Variants in SOX6 observed in about 807,000 individuals in gnomAD.
The protein encoded by SOX6 is SRY-box transcription factor 6.
In SOX6, 11 loss-of-function variants were observed where a neutral mutation model predicts 97.8. That is an observed-to-expected ratio of 0.11 (90% confidence interval 0.07 to 0.19). The LOEUF is 0.19. SOX6 is among the 10% of genes least tolerant of loss of function. The pLI is 1.00. For synonymous variants in SOX6, 360 were observed against 371.4 expected (o/e 0.97, Z 0.35); for missense variants, 810 against 1,039.5 (o/e 0.78, Z 3.04).
chr11:16,256,705 T>C (rs1853700995), intron 3 of SOX6, among the ~76,000 whole-genome samples: 1 of 151,790 alleles, frequency 6.6e-6, no homozygotes, highest in South Asian at 2.1e-4. Flanking sequence ...TCCTAGCTAA[T>C]GCAGTTTAAA....
chr11:16,153,713 C>T (rs1230346260), intron 6 of SOX6, among the ~76,000 whole-genome samples: 1 of 152,128 alleles, frequency 6.6e-6, no homozygotes, highest in African/African-American at 2.4e-5. Context: ...CTTCCAGTTG[C>T]CACTTCTGCC....
intron 4 of SOX6, chr11:16,484,547 T>A: frequency 1.3e-6 from 1 of 772,256 alleles, no homozygotes; most frequent in Non-Finnish European, 2.4e-6. Flanking sequence ...ACAGTCGAGA[T>A]GGCAGTACCT....
chr11:16,039,531 A>G (rs1316976945), intron 12 of SOX6, among the ~76,000 whole-genome samples: 1 of 152,044 alleles, frequency 6.6e-6, no homozygotes, highest in African/African-American at 2.4e-5. Context: ...ACATTGTTTG[A>G]CTTATTCATT....
At chr11:16,207,038 C>T (rs1485395117) in intron 4 of SOX6, among the ~76,000 whole-genome samples, 1 of 152,058 alleles carries the variant, frequency 6.6e-6, no homozygotes, top group Non-Finnish European at 1.5e-5. Context: ...CACACCGACC[C>T]CTACTACAAA....
intron 3 of SOX6, among the ~76,000 whole-genome samples, chr11:16,251,674 T>C (rs560095442): frequency 1.5e-4 from 23 of 152,168 alleles, no homozygotes; most frequent in Admixed American, 3.3e-4. Context: ...GAGGAAATAA[T>C]ACCAATGTAG....
intron 4 of SOX6, among the ~76,000 whole-genome samples, chr11:16,193,092 G>A (rs2134115728): frequency 1.3e-5 from 2 of 152,254 alleles, no homozygotes; most frequent in Admixed American, 1.3e-4. Context: ...TTTCTAATGA[G>A]AAAATCTAGA....
At chr11:16,310,573 T>C (rs1177033842) in intron 3 of SOX6, among the ~76,000 whole-genome samples, 1 of 152,054 alleles carries the variant, frequency 6.6e-6, no homozygotes, top group Non-Finnish European at 1.5e-5. Context: ...AAAAAATGAA[T>C]TTAAATGAAG....
At chr11:16,662,444 T>C (rs1455288190) in intron 3 of SOX6, among the ~76,000 whole-genome samples, 1 of 152,212 alleles carries the variant, frequency 6.6e-6, no homozygotes, top group African/African-American at 2.4e-5. Context: ...TCTATTTTTC[T>C]TTGGTATTCT....
At chr11:16,108,224 TATC>T (rs1849144178) in intron 7 of SOX6, among the ~76,000 whole-genome samples, 1 of 152,094 alleles carries the variant, frequency 6.6e-6, no homozygotes, top group Non-Finnish European at 1.5e-5. Context: ...TATATTATCA[TATC>T]ATAACTAGTG....
intron 4 of SOX6, among the ~76,000 whole-genome samples, chr11:16,556,290 A>C (rs2133188378): frequency 6.6e-6 from 1 of 151,844 alleles, no homozygotes; most frequent in African/African-American, 2.4e-5. Context: ...CTCTCAGTAA[A>C]ATCTGAATAA....
intron 1 of SOX6, among the ~76,000 whole-genome samples, chr11:16,351,085 T>A (rs553487367): frequency 2.0e-5 from 3 of 152,212 alleles, no homozygotes; most frequent in African/African-American, 7.2e-5. Flanking sequence ...AACTCTCTCA[T>A]CTCCCAGAAA....
intron 2 of SOX6, among the ~76,000 whole-genome samples, chr11:16,319,742 T>A (rs540775598): frequency 2.1e-4 from 32 of 152,268 alleles, no homozygotes; most frequent in Admixed American, 8.5e-4. Flanking sequence ...CAGTCTATCA[T>A]TGATGGACAT....
At chr11:16,214,417 C>T (rs1852311233) in intron 4 of SOX6, among the ~76,000 whole-genome samples, 2 of 152,146 alleles carry the variant, frequency 1.3e-5, no homozygotes, top group African/African-American at 4.8e-5. Flanking sequence ...ATCTTATACG[C>T]TGACTCATTT....
intron 4 of SOX6, among the ~76,000 whole-genome samples, chr11:16,519,404 A>T (rs1861021382): frequency 6.6e-6 from 1 of 152,052 alleles, no homozygotes; most frequent in African/African-American, 2.4e-5. Context: ...TTGTATCCAC[A>T]TGTACTCATC....
At chr11:16,448,862 T>G (rs564381193) in intron 1 of SOX6, among the ~76,000 whole-genome samples, 1 of 152,198 alleles carries the variant, frequency 6.6e-6, no homozygotes, top group East Asian at 1.9e-4. Flanking sequence ...TAAGATCCTG[T>G]CTTTACAAAA....
At position 16,644,298 on chromosome 11, in the gene SOX6, T is replaced by C. The variant is rs577483873; in HGVS notation, n.430-32038A>G. The stretch of plus-strand genomic sequence containing the variant: ...CAAGATATCCGCCTGCCTCAGCCTC[T>C]CAAAGTGCTGGGATTACATATCACC... On this transcript the variant is annotated intron_variant and non_coding_transcript_variant, in intron 3 of 5. Transcript: ENST00000524520. 8.5e-5 allele frequency among the ~76,000 whole-genome samples: 13 copies of C among 152,238 alleles called. No individual in the cohort carries two copies. In the South Asian group the frequency reaches 2.5e-3, roughly 29 times the overall value.
intron 7 of SOX6, among the ~76,000 whole-genome samples, chr11:16,110,749 A>C (rs1237086897): frequency 6.6e-6 from 1 of 152,210 alleles, no homozygotes; most frequent in Non-Finnish European, 1.5e-5. Flanking sequence ...AGCAATTAAA[A>C]CAGATGCTAA....
intron 4 of SOX6, among the ~76,000 whole-genome samples, chr11:16,491,136 T>C (rs574386905): frequency 5.4e-4 from 82 of 152,170 alleles, no homozygotes; most frequent in African/African-American, 1.9e-3. Context: ...GAAAGAAAAT[T>C]CAAAAGAACC....
intron 4 of SOX6, among the ~76,000 whole-genome samples, chr11:16,526,006 A>C (rs1304307106): frequency 6.6e-6 from 1 of 152,204 alleles, no homozygotes; most frequent in Non-Finnish European, 1.5e-5. Flanking sequence ...GAGGATGTGG[A>C]GAAATAGGAA....
Sources: allele counts gnomAD v4.1 joint callset (sites outside exome capture counted in the v4.1 genomes callset), GRCh38; gene constraint gnomAD v4.1.1; transcripts MANE v1.5; gene names NCBI Gene and HGNC (gene_info 2026-07-23, HGNC 2026-07-21).